The following HSD17B12 variants were observed in gnomAD, a reference collection of about 807,000 sequenced individuals.
HSD17B12 encodes the protein very-long-chain 3-oxoacyl-CoA reductase.
A neutral mutation model predicts 39.3 loss-of-function variants in HSD17B12; 32 were observed. The ratio of observed to expected loss-of-function variants is 0.81; its 90% CI spans 0.61 to 1.09. HSD17B12 has a LOEUF of 1.09. HSD17B12 is among the 50% of genes least tolerant of loss of function. HSD17B12 has a pLI of 0.00. For synonymous variants in HSD17B12, 150 were observed against 146.7 expected, an observed-to-expected ratio of 1.02 and a Z score of -0.16; for missense variants, 342 against 382.9, an observed-to-expected ratio of 0.89 and a Z score of 0.89.
the HSD17B12 span, among the ~76,000 whole-genome samples, chr11:43,567,070 AT>A: frequency 6.6e-6 from 1 of 152,308 alleles, no homozygotes; most frequent in South Asian, 2.1e-4. Context: ...GGCAAGAACA[AT>A]TTCCCTCATC....
chr11:43,646,085 G>T, the HSD17B12 span: 1 of 152,282 alleles, frequency 6.6e-6, no homozygotes, highest in African/African-American at 2.4e-5. Flanking sequence ...GGTGGAGGCG[G>T]CAGTGAGCCA....
At chr11:43,595,396 T>C in the HSD17B12 span, among the ~76,000 whole-genome samples, 1 of 152,280 alleles carries the variant, frequency 6.6e-6, no homozygotes, top group Admixed American at 6.5e-5. Context: ...GTAAGTGATA[T>C]ACTTTCAGTG....
chr11:43,602,917 A>G, the HSD17B12 span, among the ~76,000 whole-genome samples: 1 of 151,936 alleles, frequency 6.6e-6, no homozygotes, highest in Non-Finnish European at 1.5e-5. Context: ...CTAGTGTGAA[A>G]GGTCAGGGTT....
upstream of HSD17B12, among the ~76,000 whole-genome samples, chr11:43,679,487 T>G (rs1267668963): frequency 2.0e-5 from 3 of 152,166 alleles, no homozygotes; most frequent in African/African-American, 7.2e-5. Flanking sequence ...TTTTACACAA[T>G]TTTTTAAACT....
At chr11:43,722,380 G>C (rs892081484) in intron 1 of HSD17B12, among the ~76,000 whole-genome samples, 1 of 152,156 alleles carries the variant, frequency 6.6e-6, no homozygotes, top group African/African-American at 2.4e-5. Flanking sequence ...ATGTATATTG[G>C]AGGATGTATT....
At chr11:43,846,067 A>C (rs1951472390) in intron 9 of HSD17B12, among the ~76,000 whole-genome samples, 1 of 152,220 alleles carries the variant, frequency 6.6e-6, no homozygotes, top group Non-Finnish European at 1.5e-5. Context: ...CAGAGAGGAA[A>C]GGACACTGAG....
the HSD17B12 span, among the ~76,000 whole-genome samples, chr11:43,627,121 C>G: frequency 7.9e-5 from 12 of 151,840 alleles, no homozygotes; most frequent in African/African-American, 2.9e-4. Context: ...TATGAAGGCA[C>G]AGAAATTGGT....
intron 6 of HSD17B12, among the ~76,000 whole-genome samples, chr11:43,821,421 C>T (rs186515249): frequency 9.9e-5 from 15 of 152,234 alleles, no homozygotes; most frequent in African/African-American, 3.6e-4. Flanking sequence ...AGAAGTCCTA[C>T]CAGACAGAGC....
At chr11:43,666,881 A>G in the HSD17B12 span, among the ~76,000 whole-genome samples, 1 of 152,238 alleles carries the variant, frequency 6.6e-6, no homozygotes, top group African/African-American at 2.4e-5. Flanking sequence ...AAGTCAGTAC[A>G]TCTGCCAGAC....
intron 1 of HSD17B12, among the ~76,000 whole-genome samples, chr11:43,693,064 C>G (rs2134786479): frequency 6.6e-6 from 1 of 152,262 alleles, no homozygotes; most frequent in Non-Finnish European, 1.5e-5. Context: ...TGTTAGCAAC[C>G]TCTTCACTTC....
chr11:43,600,466 C>A, the HSD17B12 span, among the ~76,000 whole-genome samples: 2 of 151,984 alleles, frequency 1.3e-5, no homozygotes, highest in Non-Finnish European at 2.9e-5. Context: ...TTGAATGTTG[C>A]GGAGAAGGCT....
chr11:43,731,898 G>GT (rs1292388112), intron 1 of HSD17B12, among the ~76,000 whole-genome samples: 1 of 152,164 alleles, frequency 6.6e-6, no homozygotes, highest in African/African-American at 2.4e-5. Context: ...TCGGGGTGGA[G>GT]TTTTCGATCT....
At chr11:43,756,869 AAG>A (rs765704428) in intron 3 of HSD17B12, among the ~76,000 whole-genome samples, 5 of 152,208 alleles carry the variant, frequency 3.3e-5, no homozygotes, top group African/African-American at 7.2e-5. Flanking sequence ...ATTCTGGAGA[AAG>A]AGAGGATTCT....
intron 1 of HSD17B12, among the ~76,000 whole-genome samples, chr11:43,695,799 A>C (rs1949906135): frequency 6.6e-6 from 1 of 152,182 alleles, no homozygotes; most frequent in Non-Finnish European, 1.5e-5. Context: ...GTAATTAAAC[A>C]GTCAGATTGG....
the HSD17B12 span, among the ~76,000 whole-genome samples, chr11:43,671,377 C>T: frequency 2.6e-4 from 39 of 152,182 alleles, no homozygotes; most frequent in African/African-American, 3.6e-4. Context: ...GACGGGGTTT[C>T]GCCATGTTGG....
chr11:43,839,990 C>G lies in HSD17B12; in HGVS notation c.619-9C>G. On this transcript the variant is annotated splice_polypyrimidine_tract_variant and intron_variant, in intron 8 of 10. Coordinates refer to ENST00000278353, the MANE Select transcript of HSD17B12 (RefSeq NM_016142.3). The stretch of plus-strand genomic sequence containing the variant: ...GTGTGTTTTCTTCTCACTCCCACTC[C>G]CCTCCCAGACTTTTGTAGATTTCTT... 2 of 1,610,654 alleles carry G rather than the reference C, an allele frequency of 1.2e-6. No individual in the cohort carries two copies. Among genetic ancestry groups the G allele is most frequent in the African/African-American group, 1.3e-5 (1 of 74,834 alleles).
intron 3 of HSD17B12, among the ~76,000 whole-genome samples, chr11:43,760,961 GT>G (rs1444121419): frequency 1.3e-5 from 2 of 152,252 alleles, no homozygotes; most frequent in South Asian, 4.1e-4. Flanking sequence ...GCCTCTACTG[GT>G]TTTGCCCATA....
rs775447998 is a variant in HSD17B12 at position 43,831,151 on chromosome 11, G to C, written c.536+141G>C. ...TTAGCCACAGAGTGATGTACCAGGC[G>C]AGTCACAGTAGAGCATGAGTCATCG... On this transcript the variant is annotated intron_variant, in intron 7 of 10. Coordinates refer to ENST00000278353, the MANE Select transcript of HSD17B12 (RefSeq NM_016142.3). This position sits in a 1 kb window ranked among gnomAD's most constrained non-coding sequence, Gnocchi z 4.1. 1 of 664,726 alleles carries C rather than the reference G, an allele frequency of 1.5e-6. No homozygotes were observed. Among genetic ancestry groups the C allele is most frequent in the Non-Finnish European group, 2.5e-6 (1 of 402,054 alleles). The allele number at this position is 664,726 out of a possible 1,614,324, so 41.2% of individuals were successfully genotyped here.
the HSD17B12 span, among the ~76,000 whole-genome samples, chr11:43,629,475 A>G: frequency 3.9e-5 from 6 of 152,258 alleles, no homozygotes; most frequent in Non-Finnish European, 8.8e-5. Flanking sequence ...TAAGCTTTAA[A>G]CATATTGTGC....
Sources: allele counts gnomAD v4.1 joint callset (sites outside exome capture counted in the v4.1 genomes callset), GRCh38; gene constraint gnomAD v4.1.1; non-coding constraint Gnocchi (gnomAD v3.1); transcripts MANE v1.5; gene names NCBI Gene and HGNC (gene_info 2026-07-23, HGNC 2026-07-21).